CRPPA: variants seen among roughly 807,000 people sequenced by gnomAD.
The protein encoded by CRPPA is CDP-L-ribitol pyrophosphorylase A.
CRPPA carries 43 observed loss-of-function variants against 52.0 expected under a neutral mutation model. That is an observed-to-expected ratio of 0.83 (90% CI 0.65 to 1.07). CRPPA has a LOEUF of 1.07. Ranked by LOEUF, CRPPA falls within the 50% of genes least tolerant of loss-of-function variation. CRPPA has a pLI of 0.00. For synonymous variants in CRPPA, 250 were observed against 203.5 expected (o/e 1.23, Z -1.94); for missense variants, 629 against 551.7 (o/e 1.14, Z -1.40).
chr7:16,285,391 T>C (rs1269271208), intron 5 of CRPPA, among the ~76,000 whole-genome samples: 1 of 152,188 alleles, frequency 6.6e-6, no homozygotes, highest in Non-Finnish European at 1.5e-5. Flanking sequence ...TTTTAGTTTT[T>C]ACACTATCCT....
intron 9 of CRPPA, among the ~76,000 whole-genome samples, chr7:16,164,337 G>C (rs1015447506): frequency 6.6e-6 from 1 of 152,170 alleles, no homozygotes; most frequent in Non-Finnish European, 1.5e-5. Flanking sequence ...TGAAGTTCTT[G>C]TGCTGCGTTT....
At chr7:16,211,287 T>C (rs936125979) in intron 9 of CRPPA, among the ~76,000 whole-genome samples, 1 of 152,222 alleles carries the variant, frequency 6.6e-6, no homozygotes, top group Non-Finnish European at 1.5e-5. Context: ...TTATGACCTT[T>C]GTATTTTCCC....
At chr7:16,397,412 G>A (rs890113328) in intron 2 of CRPPA, among the ~76,000 whole-genome samples, 1 of 152,194 alleles carries the variant, frequency 6.6e-6, no homozygotes, top group Non-Finnish European at 1.5e-5. Flanking sequence ...ACACGTAATG[G>A]ACACGTGACT....
chr7:16,106,363 G>C (rs1782151778), intron 9 of CRPPA, among the ~76,000 whole-genome samples: 3 of 152,152 alleles, frequency 2.0e-5, no homozygotes, highest in Admixed American at 6.5e-5. Context: ...CTGCAGCCTT[G>C]CCCAGCTATA....
At chr7:16,200,712 T>C (rs2128393441) in intron 9 of CRPPA, among the ~76,000 whole-genome samples, 1 of 152,314 alleles carries the variant, frequency 6.6e-6, no homozygotes, top group South Asian at 2.1e-4. Context: ...GTGTAAACAT[T>C]GTGTACATTT....
intron 9 of CRPPA, among the ~76,000 whole-genome samples, chr7:16,144,772 G>A (rs1425907966): frequency 6.6e-6 from 1 of 152,152 alleles, no homozygotes; most frequent in African/African-American, 2.4e-5. Flanking sequence ...TGCATTCTCA[G>A]CAGCTGCACT....
chr7:16,219,562 G>A (rs78639985), intron 8 of CRPPA, among the ~76,000 whole-genome samples: 56,294 of 92,162 alleles, frequency 0.61, 17,979 homozygotes, highest in Middle Eastern at 0.69. Context: ...TAATAAAGAA[G>A]AAAAGAGAGA....
intron 5 of CRPPA, among the ~76,000 whole-genome samples, chr7:16,297,543 A>C (rs1030402689): frequency 2.6e-5 from 4 of 152,192 alleles, no homozygotes; most frequent in African/African-American, 4.8e-5. Flanking sequence ...TAGGGGATGC[A>C]ACATAAAAAT....
chr7:16,126,200 G>C (rs796852634), intron 9 of CRPPA, among the ~76,000 whole-genome samples: 1 of 151,972 alleles, frequency 6.6e-6, no homozygotes, highest in African/African-American at 2.4e-5. Flanking sequence ...GCAGTCAATA[G>C]GCTCTTCCCC....
chr7:16,258,345 G>T (rs374260770), intron 8 of CRPPA, 45 bp downstream of exon 8: 2 of 1,187,664 alleles, frequency 1.7e-6, no homozygotes, highest in Non-Finnish European at 2.4e-6. Context: ...GAGTTACAAA[G>T]AAGGAAGCAT....
chr7:16,348,355 G>A (rs997182743), intron 3 of CRPPA, among the ~76,000 whole-genome samples: 8 of 152,226 alleles, frequency 5.3e-5, no homozygotes, highest in East Asian at 3.9e-4. Flanking sequence ...AATTTTATAC[G>A]AGCAAACAAG....
chr7:16,259,314 A>T (rs1013149344), intron 6 of CRPPA, among the ~76,000 whole-genome samples: 1 of 151,990 alleles, frequency 6.6e-6, no homozygotes, highest in African/African-American at 2.4e-5. Flanking sequence ...TATACAAATA[A>T]ATATTGAAGA....
intron 9 of CRPPA, among the ~76,000 whole-genome samples, chr7:16,211,408 A>G (rs1302525643): frequency 6.6e-6 from 1 of 152,226 alleles, no homozygotes; most frequent in Non-Finnish European, 1.5e-5. Flanking sequence ...TGAAGAGGGT[A>G]TTATGGGTTT....
Position 16,301,420 on chromosome 7 carries a change from C to T in CRPPA, c.835+1G>A. The T allele has an allele frequency of 1.2e-6, 2 of 1,611,364 alleles. No individual in the cohort carries two copies. The highest frequency in any genetic ancestry group is 1.7e-6 in the Non-Finnish European group (2 of 1,178,118). ...ACTGACAGTCATAAGGCCAAACATA[C>T]CCTTAATAATCGATTCAGCCGCATA... is the stretch of plus-strand genomic sequence containing the variant. On this transcript the variant is annotated splice_donor_variant, in intron 5 of 9. Transcript: ENST00000407010. LOFTEE classifies it high-confidence loss of function.
chr7:16,092,292 T>C (rs1781853451), intron 9 of CRPPA, among the ~76,000 whole-genome samples: 1 of 152,226 alleles, frequency 6.6e-6, no homozygotes, highest in South Asian at 2.1e-4. Flanking sequence ...AAAGTGGTTT[T>C]GCCTTTGAAA....
intron 9 of CRPPA, among the ~76,000 whole-genome samples, chr7:16,182,421 G>A (rs564507924): frequency 2.4e-4 from 36 of 152,168 alleles, no homozygotes; most frequent in Non-Finnish European, 2.9e-4. Context: ...GATTGTCACC[G>A]TAGTTTGTAA....
At chr7:16,303,372 A>G (rs182587732) in intron 4 of CRPPA, among the ~76,000 whole-genome samples, 1 of 151,546 alleles carries the variant, frequency 6.6e-6, no homozygotes, top group African/African-American at 2.4e-5. Context: ...CTGGAGGATA[A>G]AAATTCCAAT....
At chr7:16,310,317 C>G (rs1785006944) in intron 3 of CRPPA, among the ~76,000 whole-genome samples, 1 of 152,000 alleles carries the variant, frequency 6.6e-6, no homozygotes, top group Non-Finnish European at 1.5e-5. Flanking sequence ...CAGAGATCCC[C>G]CAAAAAGCAA....
At chr7:16,181,982 A>C (rs913208090) in intron 9 of CRPPA, among the ~76,000 whole-genome samples, 4 of 151,988 alleles carry the variant, frequency 2.6e-5, no homozygotes, top group African/African-American at 9.7e-5. Context: ...CAACAGAACC[A>C]TTATAGCTAT....
Sources: gnomAD v4.1 joint callset for allele counts (sites outside exome capture counted in the v4.1 genomes callset) on GRCh38, gnomAD v4.1.1 for gene constraint, MANE v1.5 for transcripts, NCBI Gene and HGNC (gene_info 2026-07-23, HGNC 2026-07-21) for gene names.